DAB2: variants seen among roughly 807,000 people sequenced by gnomAD.
The protein encoded by DAB2 is disabled homolog 2.
DAB2 carries 28 observed loss-of-function variants against 71.6 expected under a neutral mutation model. The observed-to-expected ratio is 0.39, with a 90% CI of 0.29 to 0.54. The LOEUF is 0.54. Ranked by LOEUF, DAB2 falls within the 20% of genes least tolerant of loss-of-function variation. DAB2 has a pLI of 0.68. For missense variants in DAB2, 867 were observed against 928.8 expected, an observed-to-expected ratio of 0.93 and a Z score of 0.86; for synonymous variants, 345 against 339.7, an observed-to-expected ratio of 1.02 and a Z score of -0.17.
At position 39,372,293 on chromosome 5, in the gene DAB2, C is replaced by A. The variant is rs898304104; in HGVS notation, c.*1138G>T. ...TTTGTTCTACAGCTTTTTCTCCCCT[C>A]TTATCTTCCTACTAACGACATTGAG... On this transcript the variant is annotated 3_prime_UTR_variant, in exon 15 of 15. Coordinates refer to ENST00000320816, the MANE Select transcript of DAB2 (RefSeq NM_001343.4). The A allele has an allele frequency of 4.6e-5, 7 of 152,168 alleles. No individual in the cohort carries two copies. Among genetic ancestry groups the A allele is most frequent in the Non-Finnish European group, 8.8e-5 (6 of 68,034 alleles). 9.4% of individuals were successfully genotyped at this position (152,168 alleles called of 1,614,324 possible). A position where few individuals can be genotyped will look rare whatever the true frequency, so the allele number is the denominator to read the frequency against.
intron 5 of DAB2, 26 bp downstream of exon 5, chr5:39,390,418 G>T (rs1239231383): frequency 6.2e-7 from 1 of 1,610,360 alleles, no homozygotes; most frequent in South Asian, 1.1e-5. Flanking sequence ...CAAGTCCCCA[G>T]GTCTATGTCA....
intron 9 of DAB2, among the ~76,000 whole-genome samples, chr5:39,384,667 A>G (rs1755055857): frequency 6.6e-6 from 1 of 152,140 alleles, no homozygotes; most frequent in Admixed American, 6.5e-5. Flanking sequence ...AAAAGCAGTA[A>G]ATTTGATGAA....
rs768433169 is a variant in DAB2 at position 39,390,585 on chromosome 5, G to T, written c.331-10C>A. ...GTTCATGCTCTATTACCTTAAAAAA[G>T]AACATAAAGAGTAATTTATTAAGAA... On this transcript the variant is annotated splice_polypyrimidine_tract_variant and intron_variant, in intron 4 of 14. Coordinates refer to ENST00000320816, the MANE Select transcript of DAB2 (RefSeq NM_001343.4). 3 of 1,596,460 alleles carry T rather than the reference G, an allele frequency of 1.9e-6. No homozygotes were observed. Among genetic ancestry groups the T allele is most frequent in the Non-Finnish European group, 2.6e-6 (3 of 1,168,110 alleles).
chr5:39,407,240 G>A (rs192159345), intron 1 of DAB2, among the ~76,000 whole-genome samples: 2 of 152,148 alleles, frequency 1.3e-5, no homozygotes, highest in African/African-American at 4.8e-5. Flanking sequence ...TTCTGTTTGT[G>A]ACGGAGTCTC....
intron 1 of DAB2, among the ~76,000 whole-genome samples, chr5:39,399,812 A>C: frequency 6.6e-6 from 1 of 152,222 alleles, no homozygotes; most frequent in East Asian, 1.9e-4. Flanking sequence ...AGTGTTTTGA[A>C]TCCTTCAATT....
At chr5:39,378,753 C>T (rs1399630153) in intron 11 of DAB2, among the ~76,000 whole-genome samples, 1 of 152,190 alleles carries the variant, frequency 6.6e-6, no homozygotes, top group Admixed American at 6.5e-5. Context: ...GAAAATCAGG[C>T]ACACTGGCTC....
chr5:39,391,993 T>C (rs1561371512), intron 4 of DAB2, among the ~76,000 whole-genome samples: 1 of 147,114 alleles, frequency 6.8e-6, no homozygotes, highest in Non-Finnish European at 1.5e-5. Context: ...TATATATATA[T>C]AGAAGTTTTA....
At chr5:39,420,220 G>T (rs1755948348) in intron 1 of DAB2, among the ~76,000 whole-genome samples, 1 of 152,202 alleles carries the variant, frequency 6.6e-6, no homozygotes, top group Admixed American at 6.5e-5. Context: ...GAATTAATTT[G>T]TCAAATGCAA....
In DAB2 at chr5:39,376,786, G is replaced by A. The variant is rs374737969; in HGVS notation, c.2001C>T (p.Pro667=). 50 of 1,613,950 alleles carry A rather than the reference G, an allele frequency of 3.1e-5. No homozygotes were observed. Among genetic ancestry groups the A allele is most frequent in the Non-Finnish European group, 4.0e-5 (47 of 1,180,018 alleles). Residue 667 remains proline, a synonymous_variant, in exon 12 of 15, where the codon CCC becomes CCT. Transcript: ENST00000320816. ...DFQLRQPPAV[P]ARKGEQTSSG... is the part of the protein sequence containing the mutation. ...AAGAAGTCTGCTCTCCCTTCCGCGC[G>A]GGCACAGCAGGTGGCTGCCGCAGTT...
Position 39,382,938 on chromosome 5 carries a change from C to G in DAB2, c.1021G>C (p.Asp341His). The change falls in exon 10 of 15, where the codon GAC becomes CAC. Residue 341 changes from aspartate (D) to histidine (H), a missense_variant. Coordinates refer to ENST00000320816, the MANE Select transcript of DAB2 (RefSeq NM_001343.4). ...TGGTCAAATTGCTGACCAAAGTAGT[C>G]AACATCACCATTCAGGGGCCCATTA... ...LSNGPLNGDV[D>H]YFGQQFDQIS... 6.2e-7 allele frequency: 1 copy of G among 1,614,090 alleles called. No homozygotes were observed. The highest frequency in any genetic ancestry group is 1.1e-5 in the South Asian group (1 of 91,078).
rs190519468 is a variant in DAB2 at position 39,377,224 on chromosome 5, G to A, written c.1563C>T (p.Phe521=). The A allele has an allele frequency of 6.8e-6, 11 of 1,614,146 alleles. No homozygotes were observed. In the Admixed American group the frequency reaches 1.3e-4, roughly 20 times the overall value. ...CCGGAGCCATTGAAGGGGACTGATT[G>A]AAGACCAAAGATGCTGTGTTCCATG... The part of the protein sequence containing the change: ...AGPWNTASLV[F]NQSPSMAPGA... Residue 521 remains phenylalanine (F), a synonymous_variant, in exon 12 of 15, where the codon TTC becomes TTT. Transcript: ENST00000320816.
chr5:39,383,786 G>A (rs186401814), intron 9 of DAB2, among the ~76,000 whole-genome samples: 47 of 152,214 alleles, frequency 3.1e-4, no homozygotes, highest in Non-Finnish European at 5.0e-4. Flanking sequence ...AAAATTCATC[G>A]ACTAATACAT....
intron 1 of DAB2, among the ~76,000 whole-genome samples, chr5:39,400,910 C>T (rs1561375319): frequency 6.6e-6 from 1 of 152,086 alleles, no homozygotes; most frequent in African/African-American, 2.4e-5. Context: ...AGCTAAAGTG[C>T]GGAATTAGGA....
chr5:39,404,159 G>A (rs1194628790), intron 1 of DAB2, among the ~76,000 whole-genome samples: 1 of 148,004 alleles, frequency 6.8e-6, no homozygotes, highest in East Asian at 2.0e-4. Flanking sequence ...GGATTGCTGA[G>A]TCAATGTTCT....
intron 9 of DAB2, among the ~76,000 whole-genome samples, chr5:39,384,946 T>C (rs1266799255): frequency 1.3e-5 from 2 of 151,722 alleles, no homozygotes; most frequent in Admixed American, 6.6e-5. Context: ...AACTAGTAAA[T>C]ACAAAAGGGT....
chr5:39,386,648 TC>T (rs1246333707), intron 9 of DAB2, among the ~76,000 whole-genome samples: 1 of 152,198 alleles, frequency 6.6e-6, no homozygotes, highest in African/African-American at 2.4e-5. Context: ...CTGAAGATTA[TC>T]CATGTTGTTT....
chr5:39,383,611 G>C (rs1007622583), intron 9 of DAB2, among the ~76,000 whole-genome samples: 5 of 152,142 alleles, frequency 3.3e-5, no homozygotes, highest in African/African-American at 9.7e-5. Context: ...TTGTGACTTT[G>C]AAAGTCTTAA....
At chr5:39,390,324 G>A in intron 5 of DAB2, 120 bp downstream of exon 5, 1 of 1,259,902 alleles carries the variant, frequency 7.9e-7, no homozygotes, top group Non-Finnish European at 1.1e-6. Context: ...GTCATTCTCG[G>A]AATTATTATT....
chr5:39,376,695 C>G lies in DAB2; in HGVS notation c.2092G>C (p.Asp698His). The G allele has an allele frequency of 6.2e-7, 1 of 1,614,134 alleles. No homozygotes were observed. The highest frequency in any genetic ancestry group is 8.5e-7 in the Non-Finnish European group (1 of 1,180,004). The change falls in exon 12 of 15, where the codon GAC (aspartate) becomes CAC (histidine). Residue 698 changes from aspartate (D) to histidine (H), a missense_variant. Physicochemically the swap from Asp to His is moderately conservative, Grantham distance 81. Transcript: ENST00000320816. ...SKVGIPQENA[D>H]HDDFDANQLL... is the part of the protein sequence containing the mutation. ...TGATTAGCATCAAAGTCATCATGGT[C>G]TGCATTCTCCTGAGGAATGCCAACC...
Sources: gnomAD v4.1 joint callset for allele counts (sites outside exome capture counted in the v4.1 genomes callset) on GRCh38, gnomAD v4.1.1 for gene constraint, MANE v1.5 for transcripts, NCBI Gene and HGNC (gene_info 2026-07-23, HGNC 2026-07-21) for gene names.